The following SALL1 variants were observed in gnomAD, a reference collection of about 807,000 sequenced individuals.
SALL1 encodes the protein sal-like protein 1.
A neutral mutation model predicts 73.1 loss-of-function variants in SALL1; 10 were observed. The observed-to-expected ratio is 0.14, with a 90% CI of 0.08 to 0.23. The LOEUF (loss-of-function observed/expected upper bound fraction) is 0.23, where lower values mean the gene tolerates loss of function less well. Among genes scored for constraint, SALL1 ranks in the 10% least tolerant of loss-of-function variants. SALL1 has a pLI of 1.00. For missense variants in SALL1, 1,520 were observed against 1,697.3 expected (o/e 0.90, Z 1.84); for synonymous variants, 688 against 689.8 (o/e 1.00, Z 0.04).
rs1250860126 is a variant in SALL1, at chr16:51,139,474, G to A, written c.2748C>T (p.Ser916=). 1 of 1,614,172 alleles carries A rather than the reference G, an allele frequency of 6.2e-7. No homozygotes were observed. The highest frequency in any genetic ancestry group is 1.6e-4 in the Middle Eastern group (1 of 6,062). The change falls in exon 2 of 3, where the codon AGC becomes AGT. Residue 916 remains serine (S), a synonymous_variant. Coordinates refer to ENST00000251020, the MANE Select transcript of SALL1 (RefSeq NM_002968.3). ...AAGAGGTAGACTCTGAGATGGCTGGGCTGCCAGCACTTTGGCTTTCCATGT... is the reference window on the plus strand; with the variant it reads ...AAGAGGTAGACTCTGAGATGGCTGGACTGCCAGCACTTTGGCTTTCCATGT... ...GGDMESQSAG[S]PAISESTSSM... is the part of the protein sequence containing the mutation.
At chr16:51,147,797 A>ACACG (rs1962540674) in intron 1 of SALL1, among the ~76,000 whole-genome samples, 1 of 151,950 alleles carries the variant, frequency 6.6e-6, no homozygotes, top group African/African-American at 2.4e-5. Flanking sequence ...ACACACACAC[A>ACACG]CACACACACA....
chr16:51,138,258 A>G (rs1962347538), intron 2 of SALL1, among the ~76,000 whole-genome samples: 1 of 152,192 alleles, frequency 6.6e-6, no homozygotes, highest in Admixed American at 6.5e-5. Flanking sequence ...GCTGGACTGC[A>G]TAGTTATGAA....
At chr16:51,143,418 A>AAAG in intron 1 of SALL1, 1 of 318,284 alleles carries the variant, frequency 3.1e-6, no homozygotes, top group South Asian at 2.4e-5. Context: ...GCTGTGAAGA[A>AAAG]AAAAAAAAAA....
chr16:51,152,121 CTCCA>C (rs1204713276), upstream of SALL1: 3 of 152,112 alleles, frequency 2.0e-5, no homozygotes, highest in Non-Finnish European at 4.4e-5. Flanking sequence ...GCCCCGAGTT[CTCCA>C]TCCCCTGGAT....
At position 51,140,746 on chromosome 16, in the gene SALL1, C is replaced by T; in HGVS notation, c.1476G>A (p.Leu492=). The part of the protein sequence containing the change: ...CGNRFSTKGN[L]KVHFQRHKEK... Reference sequence around the variant, plus strand: ...CTTTGTGGCGCTGAAAGTGGACTTTCAGATTCCCCTTGGTGGAGAACCTGT... The same window carrying T: ...CTTTGTGGCGCTGAAAGTGGACTTTTAGATTCCCCTTGGTGGAGAACCTGT... Residue 492 remains leucine (L), a synonymous_variant, in exon 2 of 3, where the codon CTG becomes CTA. Coordinates refer to ENST00000251020, the MANE Select transcript of SALL1 (RefSeq NM_002968.3). The surrounding 1 kb of genome is among the most constrained non-coding windows in gnomAD (Gnocchi z 5.7). The T allele has an allele frequency of 6.2e-7, 1 of 1,614,172 alleles. No individual in the cohort carries two copies. Among genetic ancestry groups the T allele is most frequent in the South Asian group, 1.1e-5 (1 of 91,074 alleles).
chr16:51,137,050 G>C lies in SALL1; in HGVS notation c.*62C>G. Reference sequence around the variant, plus strand: ...GGGGCGGGGTGGGGGGCAAGGAGTAGGAGGCCACCATAGGTCGCATTCTGA... The same window carrying C: ...GGGGCGGGGTGGGGGGCAAGGAGTACGAGGCCACCATAGGTCGCATTCTGA... On this transcript the variant is annotated 3_prime_UTR_variant, in exon 3 of 3. Coordinates refer to ENST00000251020, the MANE Select transcript of SALL1 (RefSeq NM_002968.3). 1 of 1,531,898 alleles carries C rather than the reference G, an allele frequency of 6.5e-7. No homozygotes were observed. The highest frequency in any genetic ancestry group is 9.0e-7 in the Non-Finnish European group (1 of 1,111,632). 94.9% of individuals were successfully genotyped at this position (1,531,898 alleles called of 1,614,324 possible).
At position 51,136,796 on chromosome 16, in the gene SALL1, C is replaced by T. The variant is rs1193996092; in HGVS notation, c.*316G>A. Reference sequence around the variant, plus strand: ...TTAATGCCAGATTACAACTGCCTAGCAGGGCAACTTGCAATTGCCATAAAT... The same window carrying T: ...TTAATGCCAGATTACAACTGCCTAGTAGGGCAACTTGCAATTGCCATAAAT... On this transcript the variant is annotated 3_prime_UTR_variant, in exon 3 of 3. Coordinates refer to ENST00000251020, the MANE Select transcript of SALL1 (RefSeq NM_002968.3). The T allele has an allele frequency of 5.2e-6, 2 of 383,816 alleles. No homozygotes were observed. Among genetic ancestry groups the T allele is most frequent in the African/African-American group, 4.1e-5 (2 of 48,844 alleles). The allele number at this position is 383,816 out of a possible 1,614,324, so 23.8% of individuals were successfully genotyped here.
rs77265655 is a variant in SALL1 at position 51,151,198 on chromosome 16, T to G, written c.44A>C (p.Asp15Ala). The G allele has an allele frequency of 2.9e-5, 47 of 1,600,694 alleles. No individual in the cohort carries two copies. Among genetic ancestry groups the G allele is most frequent in the Non-Finnish European group, 3.9e-5 (46 of 1,175,302 alleles). The change falls in exon 1 of 3, where the codon GAC becomes GCC. Residue 15 changes from aspartate to alanine, a missense_variant. Physicochemically the swap from Asp to Ala is moderately radical, Grantham distance 126. This residue lies in a region of SALL1 where 540 missense variants were observed against 567.5 expected (regional missense o/e 0.95). Coordinates refer to ENST00000251020, the MANE Select transcript of SALL1 (RefSeq NM_002968.3). ...CCGGGGGAGCGAGGCCACTTCGGGG[T>G]CGGATTGGAAATGTTGAGGCTTCGC... ...KQAKPQHFQS[D>A]PEVASLPRRD...
Position 51,139,251 on chromosome 16 carries a change from G to A in SALL1, c.2971C>T (p.Pro991Ser). The change falls in exon 2 of 3, where the codon CCT becomes TCT. Residue 991 changes from proline to serine, a missense_variant. Pro to Ser is a moderately conservative substitution (Grantham distance 74, BLOSUM62 -1). Coordinates refer to ENST00000251020, the MANE Select transcript of SALL1 (RefSeq NM_002968.3). ...IKEDSLGILFPFRDRGKFKNT... is the reference protein window; with the variant it reads ...IKEDSLGILFSFRDRGKFKNT... ...TTAAATTTACCCCGGTCTCTAAAAGGGAAGAGGATCCCCAAAGAATCTTCT... is the reference window on the plus strand; with the variant it reads ...TTAAATTTACCCCGGTCTCTAAAAGAGAAGAGGATCCCCAAAGAATCTTCT... 6.2e-7 allele frequency: 1 copy of A among 1,614,148 alleles called. No individual in the cohort carries two copies. Among genetic ancestry groups the A allele is most frequent in the African/African-American group, 1.3e-5 (1 of 75,018 alleles).
Position 51,138,808 on chromosome 16 carries a change from T to G in SALL1, c.3414A>C (p.Thr1138=), listed in dbSNP as rs1228469346. Residue 1138 remains threonine, a synonymous_variant, in exon 2 of 3, where the codon ACA becomes ACC. Coordinates refer to ENST00000251020, the MANE Select transcript of SALL1 (RefSeq NM_002968.3). ...TCGATGAGGAGAAGGTTTTGCCACA[T>G]GTGTTGCAGTAGTGCTGCTTGGGAG... ...RRTPKQHYCN[T]CGKTFSSSSA... 6.2e-7 allele frequency: 1 copy of G among 1,614,060 alleles called. No homozygotes were observed. The highest frequency in any genetic ancestry group is 8.5e-7 in the Non-Finnish European group (1 of 1,180,034).
At position 51,141,742 on chromosome 16, in the gene SALL1, G is replaced by C. The variant is rs777818027; in HGVS notation, c.480C>G (p.Gly160=). The C allele has an allele frequency of 3.1e-6, 5 of 1,609,712 alleles. No homozygotes were observed. The Admixed American group carries it at 8.3e-5, about 27-fold the overall frequency. ...TACCTGTGGAGGAGCTGCCGCCGCCGCCGCTGCTGCTGCTGCTGCTGCTGC... is the reference window on the plus strand; with the variant it reads ...TACCTGTGGAGGAGCTGCCGCCGCCCCCGCTGCTGCTGCTGCTGCTGCTGC... ...SSSSSSSSSS[G]GGGSSSTGTS... The change falls in exon 2 of 3, where the codon GGC becomes GGG. Residue 160 remains glycine, a synonymous_variant. Transcript: ENST00000251020. This position sits in a 1 kb window ranked among gnomAD's most constrained non-coding sequence, Gnocchi z 5.4.
Position 51,151,251 on chromosome 16 carries a change from A to G in SALL1, c.-10T>C. ...GCTTCCTCCGCGACATGCTGGCTCA[A>G]ACATCAGCTGGGGCAGAATAAAAAA... On this transcript the variant is annotated 5_prime_UTR_variant, in exon 1 of 3. Coordinates refer to ENST00000251020, the MANE Select transcript of SALL1 (RefSeq NM_002968.3). 2 of 1,592,442 alleles carry G rather than the reference A, an allele frequency of 1.3e-6. No individual in the cohort carries two copies. Among genetic ancestry groups the G allele is most frequent in the Middle Eastern group, 2.0e-4 (1 of 4,996 alleles).
In SALL1 at chr16:51,139,757, T is replaced by C; in HGVS notation, c.2465A>G (p.Asp822Gly). 6.2e-7 allele frequency: 1 copy of C among 1,614,180 alleles called. No individual in the cohort carries two copies. Among genetic ancestry groups the C allele is most frequent in the Non-Finnish European group, 8.5e-7 (1 of 1,180,032 alleles). Residue 822 changes from aspartate (D) to glycine (G), a missense_variant, in exon 2 of 3, where the codon GAC becomes GGC. Transcript: ENST00000251020. ...SFDEKNFDDL[D>G]NFSDENMEDC... ...TTCCATGTTTTCATCAGAGAAGTTGTCTAGGTCATCAAAATTTTTCTCATC... is the reference window on the plus strand; with the variant it reads ...TTCCATGTTTTCATCAGAGAAGTTGCCTAGGTCATCAAAATTTTTCTCATC...
At chr16:51,150,328 C>T in intron 1 of SALL1, 2 of 883,904 alleles carry the variant, frequency 2.3e-6, no homozygotes, top group African/African-American at 1.8e-5. Flanking sequence ...GACTTCTTCC[C>T]TGACCCCCCT....
intron 1 of SALL1, chr16:51,150,886 G>C: frequency 2.8e-6 from 1 of 354,054 alleles, no homozygotes; most frequent in Non-Finnish European, 5.1e-6. Flanking sequence ...GGAGAAGCCA[G>C]GCCGGCATGC....
Position 51,141,050 on chromosome 16 carries a change from A to G in SALL1, c.1172T>C (p.Leu391Pro), listed in dbSNP as rs1962416496. The change falls in exon 2 of 3, where the codon CTT (leucine) becomes CCT (proline). Residue 391 changes from leucine to proline, a missense_variant. By Grantham distance (98) the Leu-to-Pro change is moderately conservative (BLOSUM62 -3). Transcript: ENST00000251020. This position sits in a 1 kb window ranked among gnomAD's most constrained non-coding sequence, Gnocchi z 5.4. ...GTTAGCGGAGGCTTGCTGAGGTAGA[A>G]GTGGATTAGACGCAGGACTTAATAA... ...SSLLSPASNP[L>P]LPQQASANSV... 1.9e-6 allele frequency: 3 copies of G among 1,614,094 alleles called. No individual in the cohort carries two copies. In the South Asian group the frequency reaches 3.3e-5, roughly 18 times the overall value.
Position 51,139,949 on chromosome 16 carries a change from G to A in SALL1, c.2273C>T (p.Ala758Val), listed in dbSNP as rs1597229183. ...NLKTHYSVHR[A>V]MPPLRVQHSC... ...ATGCTGGACTCTGAGCGGGGGCATA[G>A]CACGATGGACACTGTAGTGGGTTTT... Residue 758 changes from alanine (A) to valine (V), a missense_variant, in exon 2 of 3, where the codon GCT (alanine) becomes GTT (valine). Around this residue, in one of 7 missense-constraint regions of SALL1, gnomAD observed 77 missense variants for 117.2 expected, o/e 0.66. Transcript: ENST00000251020. The A allele has an allele frequency of 6.2e-7, 1 of 1,614,194 alleles. No individual in the cohort carries two copies.
At chr16:51,145,217 T>TACAC (rs3037183) in intron 1 of SALL1, among the ~76,000 whole-genome samples, 2,572 of 149,954 alleles carry the variant, frequency 0.017, 26 homozygotes, top group African/African-American at 0.03. Context: ...CACACACACA[T>TACAC]ACACACACAC....
At chr16:51,138,406 C>A (rs182731626) in intron 2 of SALL1, among the ~76,000 whole-genome samples, 1 of 152,032 alleles carries the variant, frequency 6.6e-6, no homozygotes, top group East Asian at 1.9e-4. Context: ...GTGCACTTAG[C>A]GAGACAACAG....
Sources: gnomAD v4.1 joint callset for allele counts (sites outside exome capture counted in the v4.1 genomes callset) on GRCh38, gnomAD v4.1.1 for gene constraint, gnomAD v4.1.1 regional missense constraint, Gnocchi (gnomAD v3.1) non-coding constraint, MANE v1.5 for transcripts, NCBI Gene and HGNC (gene_info 2026-07-23, HGNC 2026-07-21) for gene names.